The following MYPN variants were observed in gnomAD, a reference collection of about 807,000 sequenced individuals.
MYPN encodes myopalladin.
MYPN carries 63 observed loss-of-function variants against 129.4 expected under a neutral mutation model. The observed-to-expected ratio is 0.49, with a 90% CI of 0.40 to 0.60. The LOEUF is 0.60. Ranked by LOEUF, MYPN falls within the 20% of genes least tolerant of loss-of-function variation. The pLI, the probability that MYPN is intolerant of heterozygous loss-of-function variation, is 0.00. For synonymous variants in MYPN, 629 were observed against 600.9 expected, an observed-to-expected ratio of 1.05 and a Z score of -0.68; for missense variants, 1,596 against 1,635.4, an observed-to-expected ratio of 0.98 and a Z score of 0.42.
At chr10:68,109,767 G>A (rs969736004) in intron 1 of MYPN, 44 bp downstream of exon 1, 9 of 432,610 alleles carry the variant, frequency 2.1e-5, no homozygotes, top group African/African-American at 1.8e-4. Context: ...TGATAACAGG[G>A]CACTGACAGT....
Position 68,177,065 on chromosome 10 carries a change from C to T in MYPN, c.2703+1604C>T, listed in dbSNP as rs2043238605. Among the ~76,000 whole-genome samples the T allele has an allele frequency of 2.0e-5, 3 of 152,212 alleles. No homozygotes were observed. The South Asian group carries it at 6.2e-4, about 31-fold the overall frequency. On this transcript the variant is annotated intron_variant, in intron 12 of 19. Transcript: ENST00000358913. Reference sequence around the variant, plus strand: ...CTTGTAAAAACAATGCTAGCTTGCACATACGCTGTTTGATTTTACTTTTAT... The same window carrying T: ...CTTGTAAAAACAATGCTAGCTTGCATATACGCTGTTTGATTTTACTTTTAT...
At chr10:68,153,169 A>G (rs2042806548) in intron 6 of MYPN, among the ~76,000 whole-genome samples, 1 of 150,938 alleles carries the variant, frequency 6.6e-6, no homozygotes, top group Non-Finnish European at 1.5e-5. Context: ...TGTTTTTAGT[A>G]GAGACGGGGT....
intron 12 of MYPN, among the ~76,000 whole-genome samples, chr10:68,178,099 G>A (rs557744561): frequency 1.3e-5 from 2 of 152,156 alleles, no homozygotes; most frequent in Non-Finnish European, 2.9e-5. Flanking sequence ...TCTCTGTTGT[G>A]ATAGTTCAGT....
intron 1 of MYPN, among the ~76,000 whole-genome samples, chr10:68,100,045 A>G (rs901609834): frequency 6.6e-6 from 1 of 152,186 alleles, no homozygotes; most frequent in African/African-American, 2.4e-5. Context: ...TAAAAAGAGG[A>G]TAATGATATA....
intron 2 of MYPN, 35 bp from the exon 3 acceptor site, chr10:68,142,905 A>T (rs765218493): frequency 4.4e-6 from 7 of 1,600,078 alleles, no homozygotes; most frequent in Non-Finnish European, 6.0e-6. Context: ...CTTGCATTTG[A>T]GTCATGTCCA....
chr10:68,147,815 T>A (rs993696083), intron 4 of MYPN, among the ~76,000 whole-genome samples: 1 of 152,244 alleles, frequency 6.6e-6, no homozygotes, highest in Non-Finnish European at 1.5e-5. Flanking sequence ...TTGCTGGCTC[T>A]CTTGCCCTTC....
chr10:68,143,850 G>T lies in MYPN; in HGVS notation c.1078+735G>T, dbSNP rs537782706. The stretch of plus-strand genomic sequence containing the variant: ...GCCCACTGCAACCTCCGCCTCCCGG[G>T]TTCAAGTGATTCTCGTGCCCCAGCC... On this transcript the variant is annotated intron_variant, in intron 3 of 19. Coordinates refer to ENST00000358913, the MANE Select transcript of MYPN (RefSeq NM_032578.4). 2.0e-5 allele frequency among the ~76,000 whole-genome samples: 3 copies of T among 152,284 alleles called. No homozygotes were observed. In the East Asian group the frequency reaches 5.8e-4, roughly 29 times the overall value.
intron 19 of MYPN, among the ~76,000 whole-genome samples, chr10:68,208,281 A>G (rs2043849836): frequency 6.6e-6 from 1 of 152,190 alleles, no homozygotes; most frequent in Non-Finnish European, 1.5e-5. Context: ...TCTCTCTGCT[A>G]TTTATGGTTG....
chr10:68,188,411 CT>C (rs11418567), intron 12 of MYPN, among the ~76,000 whole-genome samples: 8,078 of 144,316 alleles, frequency 0.056, 255 homozygotes, highest in African/African-American at 0.065. Context: ...TGCCTGGCCT[CT>C]TTTTTTTTTT....
chr10:68,124,310 G>T (rs1466737483), intron 2 of MYPN, among the ~76,000 whole-genome samples: 1 of 152,144 alleles, frequency 6.6e-6, no homozygotes, highest in Non-Finnish European at 1.5e-5. Context: ...CTGGTATTTA[G>T]AGTCCTACAA....
chr10:68,110,106 C>A (rs2042060998), intron 1 of MYPN, among the ~76,000 whole-genome samples: 1 of 152,184 alleles, frequency 6.6e-6, no homozygotes, highest in Non-Finnish European at 1.5e-5. Context: ...AAATAATATG[C>A]CTGCATAAAG....
chr10:68,172,567 G>A (rs1363077742), intron 10 of MYPN, among the ~76,000 whole-genome samples: 1 of 152,096 alleles, frequency 6.6e-6, no homozygotes, highest in Non-Finnish European at 1.5e-5. Context: ...TTTGTGAAGA[G>A]AAATTCAATA....
intron 5 of MYPN, among the ~76,000 whole-genome samples, chr10:68,149,770 AG>A (rs2042735027): frequency 1.3e-5 from 2 of 152,074 alleles, no homozygotes; most frequent in African/African-American, 4.8e-5. Flanking sequence ...GCCTCTTTGG[AG>A]GTTTAGGGTT....
chr10:68,106,712 T>A (rs2042016688), upstream of MYPN: 3 of 716,914 alleles, frequency 4.2e-6, no homozygotes, highest in East Asian at 8.0e-5. Flanking sequence ...TCTACTAGCA[T>A]GGAAATTCTC....
Position 68,202,031 on chromosome 10 carries a change from T to A in MYPN, c.3659+37T>A. On this transcript the variant is annotated intron_variant, in intron 18 of 19. Coordinates refer to ENST00000358913, the MANE Select transcript of MYPN (RefSeq NM_032578.4). ...ACCACATCCAGAGGGACTCCCACTC[T>A]CAGTGGGGCTTGTTGCGCCACCCAA... The A allele has an allele frequency of 1.9e-6, 3 of 1,610,912 alleles. No individual in the cohort carries two copies. The South Asian group carries it at 3.3e-5, about 18-fold the overall frequency.
chr10:68,147,667 C>T (rs1366169491), intron 4 of MYPN, among the ~76,000 whole-genome samples: 7 of 152,110 alleles, frequency 4.6e-5, no homozygotes, highest in East Asian at 3.9e-4. Flanking sequence ...GACTGGGAGC[C>T]GTTTACCGAG....
chr10:68,162,166 C>CAAAAAAAAAAAAAAAAAAAAAAAAAAAA (rs5785846), intron 8 of MYPN: 1 of 49,992 alleles, frequency 2.0e-5, no homozygotes, highest in Non-Finnish European at 4.5e-5. Flanking sequence ...GAATCTGTCT[C>CAAAAAAAAAAAAAAAAAAAAAAAAAAAA]AAAAAAAAAA....
At chr10:68,193,659 A>G (rs10998009) in intron 13 of MYPN, among the ~76,000 whole-genome samples, 61,605 of 152,046 alleles carry the variant, frequency 0.41, 13,419 homozygotes, top group Non-Finnish European at 0.49. Flanking sequence ...ACATTAGCAT[A>G]GTGTTATCAT....
chr10:68,206,767 C>T lies in MYPN; in HGVS notation c.3660-3C>T, dbSNP rs1367245897. 1 of 1,613,966 alleles carries T rather than the reference C, an allele frequency of 6.2e-7. No homozygotes were observed. The highest frequency in any genetic ancestry group is 1.3e-5 in the African/African-American group (1 of 74,900). On this transcript the variant is annotated splice_region_variant and splice_polypyrimidine_tract_variant and intron_variant, in intron 18 of 19. Coordinates refer to ENST00000358913, the MANE Select transcript of MYPN (RefSeq NM_032578.4). ...TATAGGTATATTCTCTCTTTTTCTC[C>T]AGTATGCACCAGGACACAACAGGGT...
Sources: allele counts gnomAD v4.1 joint callset (sites outside exome capture counted in the v4.1 genomes callset), GRCh38; gene constraint gnomAD v4.1.1; transcripts MANE v1.5; gene names NCBI Gene and HGNC (gene_info 2026-07-23, HGNC 2026-07-21).